The following FSIP2 variants were observed in gnomAD, a reference collection of about 807,000 sequenced individuals.
FSIP2 encodes fibrous sheath interacting protein 2, also known as fibrous sheath-interacting protein 2.
Under a neutral mutation model 510.5 loss-of-function variants are expected in FSIP2, and 367 were observed. That is an observed-to-expected ratio of 0.72 (90% CI 0.66 to 0.78). The LOEUF (loss-of-function observed/expected upper bound fraction) is 0.78. FSIP2 is among the 30% of genes least tolerant of loss of function. FSIP2 has a pLI of 0.00. For missense variants in FSIP2, 7,594 were observed against 7,901.7 expected (o/e 0.96, Z 1.48); for synonymous variants, 2,601 against 2,732.2 (o/e 0.95, Z 1.50).
rs1289298944 is a variant in FSIP2, at chr2:185,763,233, C to A, written c.1291C>A (p.Pro431Thr). The change falls in exon 12 of 23, where the codon CCC becomes ACC. Residue 431 changes from proline (P) to threonine (T), a missense_variant. By Grantham distance (38) the Pro-to-Thr change is conservative (BLOSUM62 -1). Coordinates refer to ENST00000424728, the MANE Select transcript of FSIP2 (RefSeq NM_173651.4). The part of the protein sequence containing the change: ...QGSIISAQVS[P>T]TRNFSRVSQA... ...TTCAATTATTTCAGCGCAGGTATCA[C>A]CCACGAGAAATTTTTCCAGAGTTTC... 6.6e-6 allele frequency: 10 copies of A among 1,521,942 alleles called. No individual in the cohort carries two copies. The highest frequency in any genetic ancestry group is 8.8e-6 in the Non-Finnish European group (10 of 1,134,720). 94.3% of individuals were successfully genotyped at this position (1,521,942 alleles called of 1,614,324 possible). A position where few individuals can be genotyped will look rare whatever the true frequency, so the allele number is the denominator to read the frequency against.
chr2:185,820,082 C>A (rs1005311579), intron 19 of FSIP2, among the ~76,000 whole-genome samples: 1 of 151,826 alleles, frequency 6.6e-6, no homozygotes, highest in Non-Finnish European at 1.5e-5. Context: ...ATGTCCCCAC[C>A]CAAATCTCAT....
In FSIP2 at chr2:185,792,726, G is replaced by A. The variant is rs1276934532; in HGVS notation, c.5590G>A (p.Val1864Ile). 2.6e-6 allele frequency: 4 copies of A among 1,533,902 alleles called. No individual in the cohort carries two copies. The highest frequency in any genetic ancestry group is 2.7e-5 in the African/African-American group (2 of 72,866). ...TTCAGCTGCCATGACAGAAAGAAAT[G>A]TAAGGGAAAATAGGTATAAAACTAT... ...LYSAAMTERN[V>I]RENRYKTITF... The change falls in exon 16 of 23, where the codon GTA becomes ATA. Residue 1864 changes from valine to isoleucine, a missense_variant. Val to Ile is a conservative substitution (Grantham distance 29, BLOSUM62 3). Transcript: ENST00000424728.
At chr2:185,752,734 T>A (rs1692173241) in intron 7 of FSIP2, among the ~76,000 whole-genome samples, 1 of 151,302 alleles carries the variant, frequency 6.6e-6, no homozygotes, top group Admixed American at 6.6e-5. Context: ...CTTATGTTGC[T>A]GTATTGTTTC....
In FSIP2 at chr2:185,804,880, G is replaced by A. The variant is rs1336824219; in HGVS notation, c.15574G>A (p.Asp5192Asn). 14 of 1,522,004 alleles carry A rather than the reference G, an allele frequency of 9.2e-6. No homozygotes were observed. Among genetic ancestry groups the A allele is most frequent in the East Asian group, 2.5e-5 (1 of 40,760 alleles). The allele number at this position is 1,522,004 out of a possible 1,614,324, so 94.3% of individuals were successfully genotyped here. Residue 5192 changes from aspartate (D) to asparagine (N), a missense_variant, in exon 17 of 23, where the codon GAC becomes AAC. By Grantham distance (23) the Asp-to-Asn change is conservative. Transcript: ENST00000424728. ...MQLEPIENLV[D>N]SICNNILKTS... ...GTTAGAACCTATTGAAAATTTGGTC[G>A]ACTCCATATGTAATAATATTTTGAA... is the stretch of plus-strand genomic sequence containing the variant.
In FSIP2 at chr2:185,789,888, A is replaced by G. The variant is rs1693078557; in HGVS notation, c.2752A>G (p.Thr918Ala). The G allele has an allele frequency of 1.3e-6, 2 of 1,532,774 alleles. No homozygotes were observed. Among genetic ancestry groups the G allele is most frequent in the East Asian group, 4.9e-5 (2 of 40,822 alleles). 94.9% of individuals were successfully genotyped at this position (1,532,774 alleles called of 1,614,324 possible). A position where few individuals can be genotyped will look rare whatever the true frequency, so the allele number is the denominator to read the frequency against. The change falls in exon 16 of 23, where the codon ACT (threonine) becomes GCT (alanine). Residue 918 changes from threonine (T) to alanine (A), a missense_variant. Thr to Ala is a moderately conservative substitution (Grantham distance 58). Transcript: ENST00000424728. The part of the protein sequence containing the change: ...AINAILGYIQ[T>A]ELNNERIIAS... Reference sequence around the variant, plus strand: ...CAATGCTATACTAGGTTATATACAAACTGAACTAAATAATGAGAGAATTAT... The same window carrying G: ...CAATGCTATACTAGGTTATATACAAGCTGAACTAAATAATGAGAGAATTAT...
chr2:185,824,367 T>G (rs950289394), intron 19 of FSIP2, 67 bp from the exon 20 acceptor site: 7 of 1,033,962 alleles, frequency 6.8e-6, no homozygotes, highest in Middle Eastern at 2.0e-4. Context: ...ACTGTTCTTT[T>G]GCTTAACCAG....
rs1451280429 is a variant in FSIP2 at position 185,761,120 on chromosome 2, T to C, written c.1194+17T>C. 9.9e-7 allele frequency: 1 copy of C among 1,010,452 alleles called. No homozygotes were observed. Among genetic ancestry groups the C allele is most frequent in the East Asian group, 2.7e-5 (1 of 37,200 alleles). 62.6% of individuals were successfully genotyped at this position (1,010,452 alleles called of 1,614,324 possible). A position where few individuals can be genotyped will look rare whatever the true frequency, so the allele number is the denominator to read the frequency against. Reference sequence around the variant, plus strand: ...AATCAAAAGGTATACAATTATGCTTTAAAGTTTTGTGTTGTATTTATTAAT... The same window carrying C: ...AATCAAAAGGTATACAATTATGCTTCAAAGTTTTGTGTTGTATTTATTAAT... On this transcript the variant is annotated intron_variant, in intron 10 of 22. Coordinates refer to ENST00000424728, the MANE Select transcript of FSIP2 (RefSeq NM_173651.4).
At chr2:185,763,680 A>G (rs1378158856) in intron 12 of FSIP2, among the ~76,000 whole-genome samples, 1 of 151,612 alleles carries the variant, frequency 6.6e-6, no homozygotes, top group Non-Finnish European at 1.5e-5. Context: ...ACAGGAATCA[A>G]ACATGTATCT....
chr2:185,813,657 A>C lies in FSIP2; in HGVS notation c.19940A>C (p.Asp6647Ala), dbSNP rs1162594187. The C allele has an allele frequency of 6.2e-7, 1 of 1,606,848 alleles. No individual in the cohort carries two copies. Among genetic ancestry groups the C allele is most frequent in the East Asian group, 2.2e-5 (1 of 44,700 alleles). Reference protein sequence around the residue: ...NDLIVRLVAHDIDQVYLENYI... With the variant: ...NDLIVRLVAHAIDQVYLENYI... ...CTTATTGTTCGATTAGTAGCTCATG[A>C]TATTGATCAAGTGTATTTGGAAAAT... Residue 6647 changes from aspartate (D) to alanine (A), a missense_variant, in exon 18 of 23, where the codon GAT becomes GCT. Coordinates refer to ENST00000424728, the MANE Select transcript of FSIP2 (RefSeq NM_173651.4).
intron 13 of FSIP2, among the ~76,000 whole-genome samples, chr2:185,781,947 C>G (rs1437138441): frequency 6.6e-6 from 1 of 151,970 alleles, no homozygotes; most frequent in Non-Finnish European, 1.5e-5. Flanking sequence ...ACGCCATTCT[C>G]CTGCCTCAGC....
chr2:185,738,547 G>A (rs1338877453), upstream of FSIP2: 31 of 1,467,548 alleles, frequency 2.1e-5, no homozygotes, highest in Non-Finnish European at 2.1e-5. Flanking sequence ...TTGGAAGCCA[G>A]GGGAAATTAA....
Position 185,808,384 on chromosome 2 carries a change from A to T in FSIP2, c.19078A>T (p.Ile6360Leu), listed in dbSNP as rs1030682426. Residue 6360 changes from isoleucine to leucine, a missense_variant, in exon 17 of 23, where the codon ATA becomes TTA. By Grantham distance (5) the Ile-to-Leu change is conservative. Coordinates refer to ENST00000424728, the MANE Select transcript of FSIP2 (RefSeq NM_173651.4). Reference protein sequence around the residue: ...EVLALFLAKLIRLPSSSSKDE... With the variant: ...EVLALFLAKLLRLPSSSSKDE... ...GTTGGCCTTGTTCTTGGCTAAACTA[A>T]TAAGGTTGCCAAGTTCCTCAAGCAA... is the stretch of plus-strand genomic sequence containing the variant. 6.2e-7 allele frequency: 1 copy of T among 1,611,204 alleles called. No individual in the cohort carries two copies. Among genetic ancestry groups the T allele is most frequent in the South Asian group, 1.1e-5 (1 of 90,738 alleles).
chr2:185,807,335 A>G lies in FSIP2; in HGVS notation c.18029A>G (p.His6010Arg), dbSNP rs1693607941. ...TCACCATATACAATAATATTACCTC[A>G]TAAATTTTTGGAGAATGTGATTTCT... is the stretch of plus-strand genomic sequence containing the variant. ...TSSPYTIILP[H>R]KFLENVISAL... Residue 6010 changes from histidine (H) to arginine (R), a missense_variant, in exon 17 of 23, where the codon CAT becomes CGT. Physicochemically the swap from His to Arg is conservative, Grantham distance 29. Transcript: ENST00000424728. 6.2e-7 allele frequency: 1 copy of G among 1,611,420 alleles called. No individual in the cohort carries two copies. Among genetic ancestry groups the G allele is most frequent in the African/African-American group, 1.3e-5 (1 of 74,914 alleles).
intron 8 of FSIP2, among the ~76,000 whole-genome samples, chr2:185,754,333 A>G (rs1434235820): frequency 2.6e-5 from 4 of 151,466 alleles, no homozygotes; most frequent in Non-Finnish European, 5.9e-5. Context: ...TAAAATTACA[A>G]TGGGTTTTTC....
chr2:185,817,302 C>A (rs1693844091), intron 19 of FSIP2, among the ~76,000 whole-genome samples: 1 of 151,972 alleles, frequency 6.6e-6, no homozygotes, highest in African/African-American at 2.4e-5. Context: ...CTGGAAACCA[C>A]AGAAAGTAGT....
At chr2:185,813,006 A>G (rs1164634662) in intron 17 of FSIP2, among the ~76,000 whole-genome samples, 3 of 152,082 alleles carry the variant, frequency 2.0e-5, no homozygotes, top group African/African-American at 7.2e-5. Context: ...AAGTGAGAAG[A>G]CATGAAGATT....
chr2:185,813,896 A>G lies in FSIP2; in HGVS notation c.20179A>G (p.Ile6727Val). The change falls in exon 18 of 23, where the codon ATT (isoleucine) becomes GTT (valine). Residue 6727 changes from isoleucine to valine, a missense_variant. Transcript: ENST00000424728. ...TTGTCAGACCACAGCCAGTGCAAATATTGAAAGTACTGAAGCAATCTCAAA... is the reference window on the plus strand; with the variant it reads ...TTGTCAGACCACAGCCAGTGCAAATGTTGAAAGTACTGAAGCAATCTCAAA... ...KCCQTTASAN[I>V]ESTEAISNQV... is the part of the protein sequence containing the mutation. 1.9e-6 allele frequency: 3 copies of G among 1,613,780 alleles called. No homozygotes were observed. Among genetic ancestry groups the G allele is most frequent in the Non-Finnish European group, 1.7e-6 (2 of 1,179,794 alleles).
intron 14 of FSIP2, chr2:185,783,870 T>C (rs1165688915): frequency 1.3e-5 from 2 of 152,204 alleles, no homozygotes; most frequent in Admixed American, 6.5e-5. Context: ...CAAAAATCAC[T>C]TGAATCTTTC....
intron 13 of FSIP2, among the ~76,000 whole-genome samples, chr2:185,779,182 T>G (rs1490985034): frequency 6.6e-6 from 1 of 152,078 alleles, no homozygotes; most frequent in East Asian, 1.9e-4. Flanking sequence ...TTATGTAAAT[T>G]ACAAATCTTC....
Sources: gnomAD v4.1 joint callset for allele counts (sites outside exome capture counted in the v4.1 genomes callset) on GRCh38, gnomAD v4.1.1 for gene constraint, MANE v1.5 for transcripts, NCBI Gene and HGNC (gene_info 2026-07-23, HGNC 2026-07-21) for gene names.